ANKAR: variants seen among roughly 807,000 people sequenced by gnomAD.
The protein encoded by ANKAR is ankyrin and armadillo repeat-containing protein.
A neutral mutation model predicts 146.2 loss-of-function variants in ANKAR; 136 were observed. The ratio of observed to expected loss-of-function variants is 0.93; its 90% CI spans 0.81 to 1.07. The LOEUF is 1.07. Among genes scored for constraint, ANKAR ranks in the 50% least tolerant of loss-of-function variants. ANKAR has a pLI of 0.00. For synonymous variants in ANKAR, 500 were observed against 575.8 expected (o/e 0.87, Z 1.88); for missense variants, 1,567 against 1,679.9 (o/e 0.93, Z 1.18).
chr2:189,754,759 G>T (rs916489917), intron 18 of ANKAR: 2 of 231,140 alleles, frequency 8.7e-6, no homozygotes, highest in Non-Finnish European at 1.6e-5. Flanking sequence ...AAAGGGGGGT[G>T]GGGGGGGACC....
At chr2:189,684,876 TTTCCCCTCA>T (rs1443873592) in intron 2 of ANKAR, among the ~76,000 whole-genome samples, 1 of 151,742 alleles carries the variant, frequency 6.6e-6, no homozygotes, top group African/African-American at 2.4e-5. Flanking sequence ...GAAACTTTTG[TTTCCCCTCA>T]TTCCCCTCAT....
rs571959434 is a variant in ANKAR at position 189,701,474 on chromosome 2, A to G, written c.1709-3549A>G. ...GGTTTCAGACTCTTGGGCTCAAGGA[A>G]TCCTCCCACCTTGGCTTCCCAAAGT... On this transcript the variant is annotated intron_variant, in intron 7 of 22. Coordinates refer to ENST00000684021, the MANE Select transcript of ANKAR (RefSeq NM_001378068.1). 5.3e-5 allele frequency among the ~76,000 whole-genome samples: 8 copies of G among 152,292 alleles called. 1 individual carries two copies. The East Asian group carries it at 1.5e-3, about 29-fold the overall frequency.
At chr2:189,748,543 A>G (rs1391328758), downstream of ANKAR, among the ~76,000 whole-genome samples, 1 of 152,118 alleles carries the variant, frequency 6.6e-6, no homozygotes, top group Non-Finnish European at 1.5e-5. Context: ...AAAATAAGAG[A>G]CCTCTTTAAT....
chr2:189,715,553 A>C (rs2040344773), intron 10 of ANKAR, among the ~76,000 whole-genome samples: 1 of 152,244 alleles, frequency 6.6e-6, no homozygotes, highest in African/African-American at 2.4e-5. Context: ...TATTTCAGTC[A>C]ATAGAAAAAG....
At chr2:189,759,759 A>G (rs993904632) in intron 18 of ANKAR, among the ~76,000 whole-genome samples, 1 of 151,620 alleles carries the variant, frequency 6.6e-6, no homozygotes, top group Non-Finnish European at 1.5e-5. Context: ...TTATTTATTT[A>G]TTTATTTTTT....
intron 12 of ANKAR, among the ~76,000 whole-genome samples, chr2:189,726,048 T>C (rs1177774248): frequency 1.3e-5 from 2 of 152,194 alleles, no homozygotes; most frequent in African/African-American, 4.8e-5. Flanking sequence ...AGAATGTCAA[T>C]TGACAAATGT....
chr2:189,760,492 A>G (rs1355634090), intron 18 of ANKAR, among the ~76,000 whole-genome samples: 1 of 152,234 alleles, frequency 6.6e-6, no homozygotes, highest in East Asian at 1.9e-4. Flanking sequence ...CTGCAAATAC[A>G]TTAACAATCT....
chr2:189,758,212 T>C (rs1439491033), intron 18 of ANKAR, among the ~76,000 whole-genome samples: 2 of 152,066 alleles, frequency 1.3e-5, no homozygotes, highest in Admixed American at 6.6e-5. Context: ...AGAAACCCCA[T>C]CTCTACTAAA....
chr2:189,722,165 C>A (rs1165533282), intron 12 of ANKAR, among the ~76,000 whole-genome samples: 1 of 151,722 alleles, frequency 6.6e-6, no homozygotes, highest in Non-Finnish European at 1.5e-5. Flanking sequence ...CATGGTGAAA[C>A]CCTATCTCTA....
At chr2:189,749,392 A>G (rs191365709), downstream of ANKAR, among the ~76,000 whole-genome samples, 39 of 151,794 alleles carry the variant, frequency 2.6e-4, 1 homozygote, top group Admixed American at 2.6e-3. Context: ...CAACATAGCA[A>G]GATGCTGTCT....
intron 2 of ANKAR, among the ~76,000 whole-genome samples, chr2:189,683,758 G>A (rs2035108229): frequency 1.3e-5 from 2 of 152,180 alleles, no homozygotes; most frequent in African/African-American, 2.4e-5. Flanking sequence ...GCATGACTGG[G>A]AAACTGTGTT....
intron 2 of ANKAR, among the ~76,000 whole-genome samples, chr2:189,689,236 C>G (rs1313951511): frequency 5.9e-5 from 9 of 152,078 alleles, no homozygotes; most frequent in Non-Finnish European, 1.3e-4. Flanking sequence ...GTTATTGTGT[C>G]TAAACCACAA....
intron 2 of ANKAR, 86 bp from the exon 3 acceptor site, chr2:189,689,441 A>G: frequency 8.9e-7 from 1 of 1,125,994 alleles, no homozygotes; most frequent in Non-Finnish European, 1.3e-6. Flanking sequence ...ATTTCATGAT[A>G]AAATCCTGTG....
intron 7 of ANKAR, among the ~76,000 whole-genome samples, chr2:189,701,914 T>TA (rs2038120138): frequency 1.3e-5 from 2 of 152,208 alleles, no homozygotes; most frequent in African/African-American, 4.8e-5. Context: ...GAAACTATAT[T>TA]AAATAGGCCT....
chr2:189,761,549 C>T (rs780766000), downstream of ANKAR: 4 of 1,611,086 alleles, frequency 2.5e-6, no homozygotes, highest in South Asian at 3.3e-5. Flanking sequence ...AAATAGTGTT[C>T]CAGGATGAAA....
At chr2:189,705,309 A>G in intron 8 of ANKAR, 85 bp downstream of exon 8, 1 of 1,390,564 alleles carries the variant, frequency 7.2e-7, no homozygotes, top group South Asian at 1.3e-5. Context: ...TAAATAGAAT[A>G]TAAATTTCTG....
chr2:189,752,131 G>A (rs1262460551), intron 18 of ANKAR, among the ~76,000 whole-genome samples: 1 of 150,090 alleles, frequency 6.7e-6, no homozygotes. Context: ...GTGACACTAA[G>A]ACTCTAAAAA....
rs1574874446 is a variant in ANKAR, at chr2:189,754,561, CCT to C, written c.*585-6536_*585-6535del. ...GAACAATAAGAGGCCAATCACTGCC[CCT>C]GTCTATGTTTGCTCTTCTATTGGTT... On this transcript the variant is annotated intron_variant and NMD_transcript_variant, in intron 18 of 18. Coordinates refer to the ANKAR transcript ENST00000441800. 7.1e-5 allele frequency: 36 copies of C among 508,494 alleles called. No homozygotes were observed. The East Asian group carries it at 1.1e-3, about 15-fold the overall frequency. 31.5% of individuals were successfully genotyped at this position (508,494 alleles called of 1,614,324 possible).
chr2:189,733,938 T>TTTTCATGATTTCATGTC (rs1489076334), intron 17 of ANKAR, among the ~76,000 whole-genome samples: 1 of 152,198 alleles, frequency 6.6e-6, no homozygotes, highest in Non-Finnish European at 1.5e-5. Context: ...CCTTCTTTGT[T>TTTTCATGATTTCATGTC]TTTCATGATT....
Sources: allele counts gnomAD v4.1 joint callset (sites outside exome capture counted in the v4.1 genomes callset), GRCh38; gene constraint gnomAD v4.1.1; transcripts MANE v1.5; gene names NCBI Gene and HGNC (gene_info 2026-07-23, HGNC 2026-07-21).